The following TANGO2 variants were observed in gnomAD, a reference collection of about 807,000 sequenced individuals.
The protein encoded by TANGO2 is transport and Golgi organization protein 2 homolog.
Under a neutral mutation model 39.1 loss-of-function variants are expected in TANGO2, and 26 were observed. That is an observed-to-expected ratio of 0.67 (90% CI 0.49 to 0.92). The LOEUF is 0.92. Ranked by LOEUF, TANGO2 falls within the 40% of genes least tolerant of loss-of-function variation. TANGO2 has a pLI of 0.00. For missense variants in TANGO2, 326 were observed against 360.1 expected, an observed-to-expected ratio of 0.91 and a Z score of 0.77; for synonymous variants, 131 against 144.5, an observed-to-expected ratio of 0.91 and a Z score of 0.67.
chr22:20,063,970 C>T (rs1295489586), intron 8 of TANGO2, among the ~76,000 whole-genome samples: 2 of 152,272 alleles, frequency 1.3e-5, no homozygotes, highest in Non-Finnish European at 2.9e-5. Flanking sequence ...GCCCTGGGAA[C>T]CAGCCTGTGC....
At position 20,065,743 on chromosome 22, in the gene TANGO2, G is replaced by A. The variant is rs1027857125; in HGVS notation, c.*1081G>A. ...TTTGAGACAATCCTGTGTGTGCCAG[G>A]AGGCTCCGTGTGCACCAGGGGCTCT... On this transcript the variant is annotated 3_prime_UTR_variant, in exon 9 of 9. Coordinates refer to ENST00000327374, the MANE Select transcript of TANGO2 (RefSeq NM_152906.7). The A allele has an allele frequency of 6.6e-6, 1 of 152,328 alleles. No homozygotes were observed. Among genetic ancestry groups the A allele is most frequent in the Non-Finnish European group, 1.5e-5 (1 of 68,110 alleles). 9.4% of individuals were successfully genotyped at this position (152,328 alleles called of 1,614,324 possible).
At chr22:20,032,476 C>T (rs1003091578) in intron 1 of TANGO2, among the ~76,000 whole-genome samples, 1 of 152,270 alleles carries the variant, frequency 6.6e-6, no homozygotes, top group African/African-American at 2.4e-5. Context: ...ACCCCAGACC[C>T]TCCTGCCTGC....
At chr22:20,032,682 G>C (rs1052946152) in intron 1 of TANGO2, among the ~76,000 whole-genome samples, 1 of 152,216 alleles carries the variant, frequency 6.6e-6, no homozygotes, top group Admixed American at 6.5e-5. Context: ...AGCCAGGCAC[G>C]ATTCTCCCTG....
chr22:20,025,368 C>T (rs1226513752), intron 1 of TANGO2, among the ~76,000 whole-genome samples: 4 of 151,962 alleles, frequency 2.6e-5, no homozygotes, highest in African/African-American at 7.2e-5. Flanking sequence ...GTTGGGATTA[C>T]AGGTGTGAGC....
At chr22:20,054,126 A>G in intron 5 of TANGO2, 1 of 264,994 alleles carries the variant, frequency 3.8e-6, no homozygotes. Flanking sequence ...TCCTTCCACA[A>G]GGGCAGGTCC....
chr22:20,053,858 T>C (rs1228127421), intron 5 of TANGO2: 1 of 431,802 alleles, frequency 2.3e-6, no homozygotes, highest in East Asian at 6.4e-5. Flanking sequence ...ACGGGCAGGC[T>C]GTGCAGAGCA....
Position 20,043,434 on chromosome 22 carries a change from A to C in TANGO2, c.136A>C (p.Ile46Leu). ...LADFWGNNNEILSGLDMEEGK... is the reference protein window; with the variant it reads ...LADFWGNNNELLSGLDMEEGK... ...TGACTTCTGGGGGAACAACAACGAG[A>C]TCCTCAGTGGTGAGTCTTCCTGCGT... Residue 46 changes from isoleucine (I) to leucine (L), a missense_variant, in exon 3 of 9, where the codon ATC becomes CTC. Coordinates refer to ENST00000327374, the MANE Select transcript of TANGO2 (RefSeq NM_152906.7). 1 of 1,612,318 alleles carries C rather than the reference A, an allele frequency of 6.2e-7. No homozygotes were observed. Among genetic ancestry groups the C allele is most frequent in the Non-Finnish European group, 8.5e-7 (1 of 1,178,580 alleles).
At chr22:20,025,563 C>T (rs1446018473) in intron 1 of TANGO2, among the ~76,000 whole-genome samples, 1 of 152,158 alleles carries the variant, frequency 6.6e-6, no homozygotes, top group Non-Finnish European at 1.5e-5. Context: ...CTCGTGTCCC[C>T]CAGTGGCTGC....
chr22:20,024,811 A>T (rs2040419859), intron 1 of TANGO2, among the ~76,000 whole-genome samples: 1 of 152,134 alleles, frequency 6.6e-6, no homozygotes, highest in Non-Finnish European at 1.5e-5. Flanking sequence ...GCCAAAGGGA[A>T]GTGGTTCCGC....
intron 1 of TANGO2, among the ~76,000 whole-genome samples, chr22:20,024,356 C>T (rs1419394047): frequency 1.3e-5 from 2 of 152,208 alleles, no homozygotes; most frequent in Non-Finnish European, 2.9e-5. Flanking sequence ...TTTCTTCGCC[C>T]AGGCCCCGTG....
At chr22:20,030,547 A>T (rs966312851) in intron 1 of TANGO2, among the ~76,000 whole-genome samples, 1 of 152,108 alleles carries the variant, frequency 6.6e-6, no homozygotes, top group African/African-American at 2.4e-5. Flanking sequence ...GGGTTTCACC[A>T]TATTGGCCAG....
Position 20,055,954 on chromosome 22 carries a change from G to A in TANGO2, c.392G>A (p.Gly131Glu), listed in dbSNP as rs769918314. The change falls in exon 6 of 9, where the codon GGA (glycine) becomes GAA (glutamate). Residue 131 changes from glycine (G) to glutamate (E), a missense_variant. Transcript: ENST00000327374. ...CCCTTGGCCTGCAGCACAGCAAAGGGAGACGTCATTTGCTACTATGGGAAC... is the reference window on the plus strand; with the variant it reads ...CCCTTGGCCTGCAGCACAGCAAAGGAAGACGTCATTTGCTACTATGGGAAC... ...LIAADLSTAK[G>E]DVICYYGNRG... is the part of the protein sequence containing the mutation. 6.2e-7 allele frequency: 1 copy of A among 1,614,022 alleles called. No homozygotes were observed. The highest frequency in any genetic ancestry group is 1.1e-5 in the South Asian group (1 of 91,086).
At chr22:20,048,789 A>C (rs1327491008) in intron 3 of TANGO2, among the ~76,000 whole-genome samples, 1 of 151,906 alleles carries the variant, frequency 6.6e-6, no homozygotes. Context: ...TGGGACTACA[A>C]GCATGCACCA....
intron 1 of TANGO2, among the ~76,000 whole-genome samples, chr22:20,021,957 C>T (rs1475383987): frequency 6.6e-6 from 1 of 152,266 alleles, no homozygotes; most frequent in Non-Finnish European, 1.5e-5. Context: ...TCAGGAATGT[C>T]ACATGCCCTG....
intron 5 of TANGO2, chr22:20,053,805 G>A (rs760291179): frequency 9.4e-6 from 5 of 534,754 alleles, no homozygotes; most frequent in East Asian, 9.5e-5. Context: ...AGGCTGTGAA[G>A]AACAGTCACA....
chr22:20,034,807 T>G (rs2042545178), intron 1 of TANGO2, among the ~76,000 whole-genome samples: 1 of 152,214 alleles, frequency 6.6e-6, no homozygotes, highest in African/African-American at 2.4e-5. Flanking sequence ...GTGTGTTCAG[T>G]GGGCAAACGC....
At chr22:20,060,718 G>A (rs1328395440) in intron 6 of TANGO2, among the ~76,000 whole-genome samples, 1 of 152,182 alleles carries the variant, frequency 6.6e-6, no homozygotes, top group Admixed American at 6.5e-5. Context: ...AGCAGAGCCA[G>A]GCTGTCTCCC....
chr22:20,029,908 A>G (rs1024712831), intron 1 of TANGO2, among the ~76,000 whole-genome samples: 1 of 152,208 alleles, frequency 6.6e-6, no homozygotes, highest in African/African-American at 2.4e-5. Context: ...GACCATCACA[A>G]AGGCGACCTC....
chr22:20,040,672 G>A (rs2043730906), intron 2 of TANGO2, among the ~76,000 whole-genome samples: 1 of 152,180 alleles, frequency 6.6e-6, no homozygotes. Flanking sequence ...GCACCTACAG[G>A]ACTGGCCCAT....
Sources: allele counts gnomAD v4.1 joint callset (sites outside exome capture counted in the v4.1 genomes callset), GRCh38; gene constraint gnomAD v4.1.1; transcripts MANE v1.5; gene names NCBI Gene and HGNC (gene_info 2026-07-23, HGNC 2026-07-21).